The following ABCA13 variants were observed in gnomAD, a reference collection of about 807,000 sequenced individuals.
ABCA13 encodes ATP binding cassette subfamily A member 13.
In ABCA13, 476 loss-of-function variants were observed where a neutral mutation model predicts 478.7. That is an observed-to-expected ratio of 0.99 (90% CI 0.92 to 1.07). The LOEUF is 1.07. Among genes scored for constraint, ABCA13 ranks in the 50% least tolerant of loss-of-function variants. The pLI is 0.00. For missense variants in ABCA13, 6,060 were observed against 5,910.6 expected, an observed-to-expected ratio of 1.03 and a Z score of -0.83; for synonymous variants, 2,252 against 2,158.9, an observed-to-expected ratio of 1.04 and a Z score of -1.20.
At chr7:48,539,217 C>CA in intron 55 of ABCA13, among the ~76,000 whole-genome samples, 1 of 151,340 alleles carries the variant, frequency 6.6e-6, no homozygotes, top group Non-Finnish European at 1.5e-5. Context: ...CTGTCTCTAC[C>CA]AAAAATACAA....
rs1356522266 is a variant in ABCA13, at chr7:48,335,446, G to A, written c.10024G>A (p.Asp3342Asn). 1 of 1,611,754 alleles carries A rather than the reference G, an allele frequency of 6.2e-7. No individual in the cohort carries two copies. The highest frequency in any genetic ancestry group is 8.5e-7 in the Non-Finnish European group (1 of 1,178,682). Residue 3342 changes from aspartate to asparagine, a missense_variant, in exon 28 of 62, where the codon GAC becomes AAC. By Grantham distance (23) the Asp-to-Asn change is conservative (BLOSUM62 1). Transcript: ENST00000435803. ...GGCTAATTACACCTTTTATATTGTGGACAAACTAAAAACTTTATCAGAAAC... is the reference window on the plus strand; with the variant it reads ...GGCTAATTACACCTTTTATATTGTGAACAAACTAAAAACTTTATCAGAAAC... ...QKANYTFYIV[D>N]KLKTLSETLL...
chr7:48,457,412 C>T (rs895795355), intron 43 of ABCA13, among the ~76,000 whole-genome samples: 4 of 152,090 alleles, frequency 2.6e-5, no homozygotes, highest in Admixed American at 6.6e-5. Flanking sequence ...GTTTATTTCA[C>T]TGATACCATT....
intron 23 of ABCA13, among the ~76,000 whole-genome samples, chr7:48,307,153 C>G (rs1017613913): frequency 6.6e-6 from 1 of 152,090 alleles, no homozygotes; most frequent in Non-Finnish European, 1.5e-5. Flanking sequence ...CACTTAATGA[C>G]TAGGATTCAT....
At chr7:48,402,564 C>T (rs1232880081) in intron 38 of ABCA13, among the ~76,000 whole-genome samples, 4 of 152,190 alleles carry the variant, frequency 2.6e-5, no homozygotes, top group South Asian at 2.1e-4. Flanking sequence ...TTGGATGAAA[C>T]ATTAAGTGCA....
chr7:48,520,259 G>T lies in ABCA13; in HGVS notation c.14016G>T (p.Arg4672Ser), dbSNP rs773723340. The change falls in exon 53 of 62, where the codon AGG becomes AGT. Residue 4672 changes from arginine to serine, a missense_variant. Coordinates refer to ENST00000435803, the MANE Select transcript of ABCA13 (RefSeq NM_152701.5). ...AGGGCACAGTACTTCTCCTCTTGAG[G>T]GTTCTGCTACACTGGGACCTTCTGC... is the stretch of plus-strand genomic sequence containing the variant. ...ASQGTVLLLL[R>S]VLLHWDLLRW... 10 of 1,613,146 alleles carry T rather than the reference G, an allele frequency of 6.2e-6. No homozygotes were observed. The highest frequency in any genetic ancestry group is 3.3e-5 in the Admixed American group (2 of 59,932).
chr7:48,243,945 G>A (rs1791275153), intron 10 of ABCA13, among the ~76,000 whole-genome samples: 1 of 152,230 alleles, frequency 6.6e-6, no homozygotes, highest in Non-Finnish European at 1.5e-5. Flanking sequence ...CCACAGTGTG[G>A]CTATGCCTTG....
intron 42 of ABCA13, among the ~76,000 whole-genome samples, chr7:48,454,045 T>C (rs1825358438): frequency 6.6e-6 from 1 of 152,222 alleles, no homozygotes; most frequent in African/African-American, 2.4e-5. Flanking sequence ...CTATTAACTG[T>C]ATTTCAGTTT....
Position 48,273,673 on chromosome 7 carries a change from A to C in ABCA13, c.4007A>C (p.Asn1336Thr), listed in dbSNP as rs1252763295. Residue 1336 changes from asparagine (N) to threonine (T), a missense_variant, in exon 17 of 62, where the codon AAT becomes ACT. This residue lies in a region of ABCA13 where 4,423 missense variants were observed against 4,309.1 expected (regional missense o/e 1.03). Coordinates refer to ENST00000435803, the MANE Select transcript of ABCA13 (RefSeq NM_152701.5). ...ELREAIVFLR[N>T]VSHDRDLFSC... ...AGAGAAGCAATAGTATTTCTTAGAA[A>C]TGTATCACATGATCGAGATTTGTTT... 2 of 1,607,860 alleles carry C rather than the reference A, an allele frequency of 1.2e-6. No homozygotes were observed. Among genetic ancestry groups the C allele is most frequent in the Admixed American group, 3.4e-5 (2 of 59,156 alleles).
intron 59 of ABCA13, among the ~76,000 whole-genome samples, chr7:48,637,406 A>T (rs1362630666): frequency 7.3e-6 from 1 of 136,066 alleles, no homozygotes; most frequent in African/African-American, 2.9e-5. Flanking sequence ...AAAAAAAAAA[A>T]CAGAGAGAGA....
chr7:48,462,283 A>G (rs4917146), intron 43 of ABCA13, among the ~76,000 whole-genome samples: 28,532 of 151,994 alleles, frequency 0.19, 3,104 homozygotes, highest in African/African-American at 0.29. Flanking sequence ...AGGCATTAAG[A>G]AGTTCTAAAG....
intron 1 of ABCA13, among the ~76,000 whole-genome samples, chr7:48,189,224 T>C (rs1486367362): frequency 6.6e-6 from 1 of 152,184 alleles, no homozygotes; most frequent in Non-Finnish European, 1.5e-5. Flanking sequence ...GCATTCCTAT[T>C]TAACAGGGGT....
chr7:48,622,169 G>A (rs1435976652), intron 59 of ABCA13, among the ~76,000 whole-genome samples: 1 of 152,148 alleles, frequency 6.6e-6, no homozygotes, highest in Non-Finnish European at 1.5e-5. Flanking sequence ...TGCTAAGCCT[G>A]CAAGGTTGTC....
chr7:48,460,430 T>A (rs1164507813), intron 43 of ABCA13, among the ~76,000 whole-genome samples: 2 of 152,102 alleles, frequency 1.3e-5, no homozygotes, highest in Non-Finnish European at 2.9e-5. Context: ...TGCCTTGACT[T>A]GTGGCAGCAT....
chr7:48,462,479 A>G (rs1826366072), intron 43 of ABCA13, among the ~76,000 whole-genome samples: 1 of 144,714 alleles, frequency 6.9e-6, no homozygotes. Context: ...AAAACTGCAG[A>G]TTTAAGTCTT....
intron 6 of ABCA13, 97 bp from the exon 7 acceptor site, chr7:48,229,728 G>A: frequency 6.9e-7 from 1 of 1,446,954 alleles, no homozygotes; most frequent in South Asian, 1.3e-5. Flanking sequence ...AACAGCACTA[G>A]GGGCCCAGTC....
At chr7:48,458,144 C>G (rs1405359633) in intron 43 of ABCA13, among the ~76,000 whole-genome samples, 1 of 152,192 alleles carries the variant, frequency 6.6e-6, no homozygotes, top group African/African-American at 2.4e-5. Context: ...AAACTTGCCT[C>G]TTTCCACTCT....
Position 48,192,948 on chromosome 7 carries a change from TA to T in ABCA13, c.70-9del. The T allele has an allele frequency of 6.8e-7, 1 of 1,472,786 alleles. No individual in the cohort carries two copies. The highest frequency in any genetic ancestry group is 1.7e-4 in the Middle Eastern group (1 of 5,774). 91.2% of individuals were successfully genotyped at this position (1,472,786 alleles called of 1,614,324 possible). On this transcript the variant is annotated splice_polypyrimidine_tract_variant and intron_variant, in intron 1 of 61. Coordinates refer to ENST00000435803, the MANE Select transcript of ABCA13 (RefSeq NM_152701.5). ...TATTCAGGTGATTTTTTTTTTTTTT[TA>T]ATTTTCTAGGTCCTTTTCCTTGCTG... is the stretch of plus-strand genomic sequence containing the variant.
At chr7:48,323,353 G>A (rs1482903255) in intron 27 of ABCA13, among the ~76,000 whole-genome samples, 2 of 152,192 alleles carry the variant, frequency 1.3e-5, no homozygotes, top group African/African-American at 2.4e-5. Flanking sequence ...TTTGGCTCTT[G>A]TACCCATTTG....
At chr7:48,487,866 A>G (rs1829485688) in intron 47 of ABCA13, among the ~76,000 whole-genome samples, 2 of 152,194 alleles carry the variant, frequency 1.3e-5, no homozygotes, top group South Asian at 2.1e-4. Flanking sequence ...TGACATGGAC[A>G]CACCTCTGAT....
Sources: allele counts gnomAD v4.1 joint callset (sites outside exome capture counted in the v4.1 genomes callset), GRCh38; gene constraint gnomAD v4.1.1; regional missense constraint gnomAD v4.1.1; transcripts MANE v1.5; gene names NCBI Gene and HGNC (gene_info 2026-07-23, HGNC 2026-07-21).